The following ZBTB20 variants were observed in gnomAD, a reference collection of about 807,000 sequenced individuals.
ZBTB20 encodes the protein zinc finger and BTB domain-containing protein 20.
Under a neutral mutation model 56.9 loss-of-function variants are expected in ZBTB20, and 9 were observed. The observed-to-expected ratio is 0.16, with a 90% CI of 0.10 to 0.28. The LOEUF (loss-of-function observed/expected upper bound fraction) is 0.28, where lower values mean the gene tolerates loss of function less well. ZBTB20 is among the 10% of genes least tolerant of loss of function. The probability of loss-of-function intolerance (pLI) is 1.00; values close to 1 mark genes in which losing one functional copy is unlikely to be tolerated. For missense variants in ZBTB20, 655 were observed against 1,003.0 expected, an observed-to-expected ratio of 0.65 and a Z score of 4.69; for synonymous variants, 417 against 420.7, an observed-to-expected ratio of 0.99 and a Z score of 0.11.
chr3:114,750,439 T>C (rs935111255), intron 5 of ZBTB20, among the ~76,000 whole-genome samples: 1 of 152,118 alleles, frequency 6.6e-6, no homozygotes, highest in Non-Finnish European at 1.5e-5. Context: ...TGCTTATCTG[T>C]AGGAAGAAAA....
intron 6 of ZBTB20, among the ~76,000 whole-genome samples, chr3:114,564,359 AG>A (rs911007765): frequency 6.6e-5 from 10 of 151,984 alleles, no homozygotes; most frequent in African/African-American, 1.2e-4. Flanking sequence ...TGGGGTGGGG[AG>A]GGGGGCATTA....
chr3:115,017,203 T>C (rs1290609995), intron 2 of ZBTB20, among the ~76,000 whole-genome samples: 1 of 151,650 alleles, frequency 6.6e-6, no homozygotes, highest in Non-Finnish European at 1.5e-5. Flanking sequence ...ATAATCAATG[T>C]GCAAAAGTCG....
At chr3:115,119,027 G>GA (rs1484637725) in intron 1 of ZBTB20, among the ~76,000 whole-genome samples, 2 of 151,942 alleles carry the variant, frequency 1.3e-5, no homozygotes, top group African/African-American at 2.4e-5. Context: ...AAACGATATT[G>GA]AAAAAATAGA....
At chr3:115,081,471 T>G (rs940753606) in intron 1 of ZBTB20, among the ~76,000 whole-genome samples, 21 of 152,176 alleles carry the variant, frequency 1.4e-4, no homozygotes, top group Middle Eastern at 3.2e-3. Context: ...TTACAATCCT[T>G]GAATATCTCA....
chr3:114,404,159 T>C (rs1301045190), intron 7 of ZBTB20, among the ~76,000 whole-genome samples: 1 of 152,182 alleles, frequency 6.6e-6, no homozygotes, highest in African/African-American at 2.4e-5. Flanking sequence ...CATGGACAAA[T>C]CATAGGGGAA....
intron 2 of ZBTB20, among the ~76,000 whole-genome samples, chr3:114,999,883 T>C (rs1021498455): frequency 6.6e-6 from 1 of 151,720 alleles, no homozygotes; most frequent in Non-Finnish European, 1.5e-5. Flanking sequence ...CAATTCTCAA[T>C]GATAACTGAA....
intron 4 of ZBTB20, among the ~76,000 whole-genome samples, chr3:114,859,223 C>G (rs2075384809): frequency 6.6e-6 from 1 of 151,396 alleles, no homozygotes; most frequent in African/African-American, 2.4e-5. Context: ...TTTCCTCCTT[C>G]CTTCCTTCTT....
chr3:114,571,402 C>T lies in ZBTB20; in HGVS notation c.-294-71011G>A, dbSNP rs1248816981. On this transcript the variant is annotated intron_variant, in intron 6 of 11. Transcript: ENST00000675478. The stretch of plus-strand genomic sequence containing the variant: ...TCAAGTCAGCCCACTTTTGGACTAA[C>T]GCAGATCATTAGGTCAAAGAACTCA... Among the ~76,000 whole-genome samples, 6 of 152,190 alleles carry T rather than the reference C, an allele frequency of 3.9e-5. No individual in the cohort carries two copies. In the East Asian group the frequency reaches 5.8e-4, roughly 15 times the overall value.
At chr3:114,531,362 G>C (rs1353190564) in intron 6 of ZBTB20, among the ~76,000 whole-genome samples, 1 of 152,226 alleles carries the variant, frequency 6.6e-6, no homozygotes. Flanking sequence ...TTGAGGACTA[G>C]ATAAGTGAAG....
chr3:114,378,075 T>C (rs998348864), intron 10 of ZBTB20, among the ~76,000 whole-genome samples: 1 of 151,810 alleles, frequency 6.6e-6, no homozygotes, highest in Non-Finnish European at 1.5e-5. Context: ...AATTAATCTA[T>C]GGTAAGAATG....
chr3:114,687,444 C>T (rs1392144685), intron 6 of ZBTB20: 1 of 151,790 alleles, frequency 6.6e-6, no homozygotes, highest in African/African-American at 2.4e-5. Context: ...ACAGGCAGAA[C>T]TATGAGAAAA....
intron 5 of ZBTB20, among the ~76,000 whole-genome samples, chr3:114,755,276 C>A (rs1286044473): frequency 6.6e-6 from 1 of 152,074 alleles, no homozygotes; most frequent in African/African-American, 2.4e-5. Context: ...ATCAAAATTA[C>A]CCGTGAAAAG....
chr3:114,428,228 T>A lies in ZBTB20; in HGVS notation c.-254-39123A>T, dbSNP rs182506347. Among the ~76,000 whole-genome samples the A allele has an allele frequency of 1.1e-4, 17 of 152,248 alleles. No homozygotes were observed. The East Asian group carries it at 3.1e-3, about 28-fold the overall frequency. The stretch of plus-strand genomic sequence containing the variant: ...TTTACGAACCAAATCAACATATTAA[T>A]GACTTAAAAACCACGTTCACAATGG... On this transcript the variant is annotated intron_variant, in intron 7 of 11. Transcript: ENST00000675478.
intron 7 of ZBTB20, among the ~76,000 whole-genome samples, chr3:114,490,120 C>A (rs919451012): frequency 1.3e-5 from 2 of 152,040 alleles, no homozygotes; most frequent in Admixed American, 1.3e-4. Context: ...ATTATTTATT[C>A]ATTTTAAATG....
chr3:114,586,986 TC>T (rs2055237216), intron 6 of ZBTB20, among the ~76,000 whole-genome samples: 1 of 133,706 alleles, frequency 7.5e-6, no homozygotes, highest in African/African-American at 2.7e-5. Flanking sequence ...TAGGTATAAC[TC>T]CCTTTTTTTT....
chr3:114,747,456 C>T (rs570493238), intron 5 of ZBTB20, among the ~76,000 whole-genome samples: 11 of 151,988 alleles, frequency 7.2e-5, no homozygotes, highest in African/African-American at 9.7e-5. Context: ...AATCCCAGTT[C>T]GGGAGGCTGA....
chr3:114,440,477 C>A (rs1014566047), intron 7 of ZBTB20, among the ~76,000 whole-genome samples: 1 of 152,062 alleles, frequency 6.6e-6, no homozygotes, highest in East Asian at 1.9e-4. Flanking sequence ...TTCACTATTT[C>A]TCTCATTCCC....
chr3:114,680,427 C>T (rs769665901), intron 6 of ZBTB20, among the ~76,000 whole-genome samples: 12 of 152,156 alleles, frequency 7.9e-5, no homozygotes, highest in Non-Finnish European at 1.6e-4. Context: ...AGAATCTAAA[C>T]AGTTAACAGC....
intron 6 of ZBTB20, among the ~76,000 whole-genome samples, chr3:114,501,699 T>C (rs1187020931): frequency 2.0e-5 from 3 of 150,220 alleles, no homozygotes; most frequent in Non-Finnish European, 3.0e-5. Context: ...GTGCTTTGTT[T>C]TTTTTTCTTT....
Sources: gnomAD v4.1 joint callset for allele counts (sites outside exome capture counted in the v4.1 genomes callset) on GRCh38, gnomAD v4.1.1 for gene constraint, MANE v1.5 for transcripts, NCBI Gene and HGNC (gene_info 2026-07-23, HGNC 2026-07-21) for gene names.